VPS41: variants seen among roughly 807,000 people sequenced by gnomAD.
VPS41 encodes VPS41 subunit of HOPS complex, also known as vacuolar protein sorting-associated protein 41 homolog.
In VPS41, 85 loss-of-function variants were observed where a neutral mutation model predicts 130.9. The ratio of observed to expected loss-of-function variants is 0.65; its 90% confidence interval spans 0.55 to 0.78. The LOEUF is 0.78. Ranked by LOEUF, VPS41 falls within the 30% of genes least tolerant of loss-of-function variation. The probability of loss-of-function intolerance (pLI) is 0.00; values close to 1 mark genes in which losing one functional copy is unlikely to be tolerated. For synonymous variants in VPS41, 335 were observed against 332.9 expected (o/e 1.01, Z -0.07); for missense variants, 874 against 1,018.7 (o/e 0.86, Z 1.93).
At chr7:38,782,919 C>G (rs1562584882) in intron 10 of VPS41, among the ~76,000 whole-genome samples, 1 of 151,874 alleles carries the variant, frequency 6.6e-6, no homozygotes, top group Non-Finnish European at 1.5e-5. Context: ...GAGTTCGAGA[C>G]CAGCCTGGCC....
chr7:38,786,525 G>C (rs1438673489), intron 10 of VPS41, among the ~76,000 whole-genome samples: 1 of 152,036 alleles, frequency 6.6e-6, no homozygotes, highest in Non-Finnish European at 1.5e-5. Flanking sequence ...CCTCCCAAAA[G>C]GAGGAATGAA....
chr7:38,907,470 G>T (rs1787293930), intron 1 of VPS41, among the ~76,000 whole-genome samples: 1 of 152,216 alleles, frequency 6.6e-6, no homozygotes, highest in Non-Finnish European at 1.5e-5. Flanking sequence ...AAGATTAGAA[G>T]CCCCTGGAAA....
Position 38,763,437 on chromosome 7 carries a change from C to A in VPS41, c.1422+18G>T. The stretch of plus-strand genomic sequence containing the variant: ...CCCATCGAGAACAAGTAAATATGAC[C>A]ACATCAGAACACCATACCTCATAAT... On this transcript the variant is annotated intron_variant, in intron 17 of 28. Coordinates refer to ENST00000310301, the MANE Select transcript of VPS41 (RefSeq NM_014396.4). The A allele has an allele frequency of 6.6e-7, 1 of 1,506,146 alleles. No homozygotes were observed. The highest frequency in any genetic ancestry group is 1.3e-5 in the South Asian group (1 of 78,498). The allele number at this position is 1,506,146 out of a possible 1,614,324, so 93.3% of individuals were successfully genotyped here. A position where few individuals can be genotyped will look rare whatever the true frequency, so the allele number is the denominator to read the frequency against.
At chr7:38,908,655 A>C (rs1021127684) in intron 1 of VPS41, among the ~76,000 whole-genome samples, 2 of 152,186 alleles carry the variant, frequency 1.3e-5, no homozygotes, top group African/African-American at 4.8e-5. Flanking sequence ...GACCCCAGGC[A>C]TTTTTGCTCC....
At position 38,877,184 on chromosome 7, in the gene VPS41, T is replaced by C. The variant is rs962033031; in HGVS notation, c.61-7931A>G. On this transcript the variant is annotated intron_variant, in intron 2 of 28. Transcript: ENST00000310301. Reference sequence around the variant, plus strand: ...ATAAAGACCAGTGAAAACAAACGTATGTAGTAACAGCAGACCAGGTTTGGT... The same window carrying C: ...ATAAAGACCAGTGAAAACAAACGTACGTAGTAACAGCAGACCAGGTTTGGT... Among the ~76,000 whole-genome samples the C allele has an allele frequency of 2.0e-5, 3 of 152,260 alleles. No homozygotes were observed. The East Asian group carries it at 5.8e-4, about 29-fold the overall frequency.
chr7:38,822,439 T>G (rs373094141), intron 5 of VPS41, among the ~76,000 whole-genome samples: 1 of 152,250 alleles, frequency 6.6e-6, no homozygotes, highest in East Asian at 1.9e-4. Context: ...TCTATTTCAC[T>G]GATTTATTTC....
chr7:38,845,859 T>C (rs1341059133), intron 4 of VPS41, among the ~76,000 whole-genome samples: 1 of 152,222 alleles, frequency 6.6e-6, no homozygotes, highest in African/African-American at 2.4e-5. Flanking sequence ...AACTTTTCTT[T>C]CCGTATATAA....
chr7:38,745,655 A>T (rs778409424), intron 22 of VPS41, 42 bp from the exon 23 acceptor site: 25 of 1,442,716 alleles, frequency 1.7e-5, no homozygotes, highest in Non-Finnish European at 2.2e-5. Context: ...TAGGCGACCA[A>T]ATAAGAACAA....
Position 38,726,331 on chromosome 7 carries a change from A to C in VPS41, c.2485-5T>G, listed in dbSNP as rs754159423. ...GCAGAACTGTGCAGCAGAGTTCTAA[A>C]AATGCAATTTAAAAACACATATTTA... On this transcript the variant is annotated splice_polypyrimidine_tract_variant and splice_region_variant and intron_variant, in intron 28 of 28. Transcript: ENST00000310301. The C allele has an allele frequency of 6.2e-7, 1 of 1,605,960 alleles. No homozygotes were observed. Among genetic ancestry groups the C allele is most frequent in the Non-Finnish European group, 8.5e-7 (1 of 1,174,336 alleles).
intron 16 of VPS41, among the ~76,000 whole-genome samples, chr7:38,763,963 T>C (rs1316166759): frequency 6.6e-6 from 1 of 152,172 alleles, no homozygotes; most frequent in Non-Finnish European, 1.5e-5. Context: ...CTTTTGAAAT[T>C]AGGAAAAATA....
In VPS41 at chr7:38,724,816, G is replaced by A. The variant is rs1795507255; in HGVS notation, c.*1430C>T. 2 of 152,262 alleles carry A rather than the reference G, an allele frequency of 1.3e-5. No homozygotes were observed. Among genetic ancestry groups the A allele is most frequent in the East Asian group, 1.9e-4 (1 of 5,184 alleles). The allele number at this position is 152,262 out of a possible 1,614,324, so 9.4% of individuals were successfully genotyped here. A position where few individuals can be genotyped will look rare whatever the true frequency, so the allele number is the denominator to read the frequency against. ...CATGTTGGTCAGGCTGGTCTCGAAC[G>A]TGCGATCTCAGGTGATCCACCTGCC... On this transcript the variant is annotated 3_prime_UTR_variant, in exon 29 of 29. Transcript: ENST00000310301.
At chr7:38,746,299 C>G (rs1451442893) in intron 22 of VPS41, among the ~76,000 whole-genome samples, 1 of 151,018 alleles carries the variant, frequency 6.6e-6, no homozygotes, top group African/African-American at 2.4e-5. Context: ...AAATTACTTA[C>G]TAATTCTAAA....
chr7:38,786,468 C>A (rs1436491561), intron 10 of VPS41, among the ~76,000 whole-genome samples: 1 of 152,130 alleles, frequency 6.6e-6, no homozygotes, highest in Non-Finnish European at 1.5e-5. Context: ...CTCCTAACAA[C>A]AAAAACCTGA....
intron 4 of VPS41, among the ~76,000 whole-genome samples, chr7:38,855,027 G>A (rs1449560951): frequency 6.6e-6 from 1 of 151,858 alleles, no homozygotes; most frequent in East Asian, 1.9e-4. Context: ...TAGCCAACAT[G>A]ATGAAACCCT....
chr7:38,883,153 G>A (rs1040921936), intron 2 of VPS41, among the ~76,000 whole-genome samples: 1 of 152,204 alleles, frequency 6.6e-6, no homozygotes, highest in African/African-American at 2.4e-5. Flanking sequence ...TGAGGCAGGA[G>A]AATCACTTGA....
At chr7:38,881,824 A>G (rs879079751) in intron 2 of VPS41, among the ~76,000 whole-genome samples, 1 of 152,166 alleles carries the variant, frequency 6.6e-6, no homozygotes, top group Admixed American at 6.5e-5. Flanking sequence ...CAATTCATTC[A>G]TTCACTGACG....
chr7:38,825,522 C>G (rs2190668), intron 5 of VPS41, among the ~76,000 whole-genome samples: 142,398 of 152,248 alleles, frequency 0.94, 66,745 homozygotes, highest in East Asian at 1. Flanking sequence ...GGAATCCCTC[C>G]GCTTTTGGGA....
chr7:38,871,372 G>T (rs1786355412), intron 2 of VPS41, among the ~76,000 whole-genome samples: 1 of 152,202 alleles, frequency 6.6e-6, no homozygotes, highest in Non-Finnish European at 1.5e-5. Flanking sequence ...TCTTCACATG[G>T]AAAGGGGTTA....
chr7:38,822,827 C>A (rs947834892), intron 5 of VPS41, among the ~76,000 whole-genome samples: 2 of 152,148 alleles, frequency 1.3e-5, no homozygotes, highest in Non-Finnish European at 2.9e-5. Context: ...AAATTCATTA[C>A]GTTGAAACCT....
Sources: allele counts gnomAD v4.1 joint callset (sites outside exome capture counted in the v4.1 genomes callset), GRCh38; gene constraint gnomAD v4.1.1; transcripts MANE v1.5; gene names NCBI Gene and HGNC (gene_info 2026-07-23, HGNC 2026-07-21).